The following SLC4A7 variants were observed in gnomAD, a reference collection of about 807,000 sequenced individuals.
SLC4A7 encodes sodium bicarbonate cotransporter 3.
A neutral mutation model predicts 137.6 loss-of-function variants in SLC4A7; 51 were observed. The ratio of observed to expected loss-of-function variants is 0.37; its 90% confidence interval spans 0.30 to 0.47. The LOEUF (loss-of-function observed/expected upper bound fraction) is 0.47, where lower values mean the gene tolerates loss of function less well. SLC4A7 is among the 20% of genes least tolerant of loss of function. SLC4A7 has a pLI of 1.00. For synonymous variants in SLC4A7, 542 were observed against 518.6 expected (o/e 1.05, Z -0.61); for missense variants, 1,247 against 1,525.4 (o/e 0.82, Z 3.04).
chr3:27,445,894 C>T (rs1418430707), intron 3 of SLC4A7, among the ~76,000 whole-genome samples: 6 of 128,576 alleles, frequency 4.7e-5, no homozygotes, highest in Admixed American at 9.0e-5. Context: ...ATCGTGCCAC[C>T]GCACTCCAGC....
chr3:27,478,420 A>C (rs1185109783), intron 1 of SLC4A7, among the ~76,000 whole-genome samples: 1 of 148,814 alleles, frequency 6.7e-6, no homozygotes, highest in Non-Finnish European at 1.5e-5. Flanking sequence ...TGGGAGGCTG[A>C]GGCAGGAGAA....
chr3:27,377,742 T>C (rs2050037631), intron 25 of SLC4A7, among the ~76,000 whole-genome samples: 1 of 152,142 alleles, frequency 6.6e-6, no homozygotes, highest in South Asian at 2.1e-4. Flanking sequence ...TCCACATACA[T>C]GGATTTAATT....
intron 11 of SLC4A7, among the ~76,000 whole-genome samples, chr3:27,412,664 A>G (rs2054016952): frequency 1.3e-5 from 2 of 152,212 alleles, no homozygotes; most frequent in Non-Finnish European, 1.5e-5. Flanking sequence ...CTAGGAAACA[A>G]AAATAATTTT....
At chr3:27,387,352 T>C (rs2051074140) in intron 22 of SLC4A7, among the ~76,000 whole-genome samples, 1 of 152,202 alleles carries the variant, frequency 6.6e-6, no homozygotes, top group Admixed American at 6.5e-5. Context: ...ATGTATATAC[T>C]ACTCATATAA....
intron 14 of SLC4A7, 94 bp downstream of exon 14, chr3:27,404,736 C>A: frequency 9.5e-7 from 1 of 1,058,162 alleles, no homozygotes; most frequent in Non-Finnish European, 1.4e-6. Flanking sequence ...ATATATTGAC[C>A]AAATTACTTT....
chr3:27,389,042 T>C (rs1384164969), intron 22 of SLC4A7, among the ~76,000 whole-genome samples: 1 of 152,094 alleles, frequency 6.6e-6, no homozygotes, highest in Non-Finnish European at 1.5e-5. Context: ...TGTATATCCA[T>C]TCTCTCATTT....
intron 11 of SLC4A7, among the ~76,000 whole-genome samples, chr3:27,418,117 T>C (rs979399416): frequency 6.6e-6 from 1 of 152,200 alleles, no homozygotes; most frequent in Admixed American, 6.5e-5. Context: ...GGTACATCCA[T>C]GCATAGAATA....
chr3:27,482,219 A>T (rs1174850146), intron 1 of SLC4A7, among the ~76,000 whole-genome samples: 1 of 152,234 alleles, frequency 6.6e-6, no homozygotes, highest in Non-Finnish European at 1.5e-5. Context: ...TTTAAATAGC[A>T]TAAACACTAG....
chr3:27,436,275 C>G, intron 5 of SLC4A7, 113 bp downstream of exon 5: 2 of 683,466 alleles, frequency 2.9e-6, no homozygotes, highest in Non-Finnish European at 4.5e-6. Context: ...AAAATTCTAT[C>G]TTATTTCCTT....
intron 4 of SLC4A7, 85 bp from the exon 5 acceptor site, chr3:27,436,633 T>C (rs562006463): frequency 3.4e-5 from 30 of 875,246 alleles, no homozygotes; most frequent in Non-Finnish European, 4.9e-5. Context: ...CATTTGTTCT[T>C]TAAAGAAAAA....
At chr3:27,387,448 A>AT (rs1239318409) in intron 22 of SLC4A7, among the ~76,000 whole-genome samples, 1 of 152,148 alleles carries the variant, frequency 6.6e-6, no homozygotes, top group East Asian at 1.9e-4. Context: ...GTTCCAAATT[A>AT]TTTATCCAGT....
intron 15 of SLC4A7, among the ~76,000 whole-genome samples, chr3:27,401,451 G>A (rs141730294): frequency 2.0e-5 from 3 of 152,246 alleles, no homozygotes; most frequent in East Asian, 1.9e-4. Context: ...TAGAACACAC[G>A]TAAGCAAAGA....
chr3:27,450,959 G>A (rs2058035772), intron 2 of SLC4A7, among the ~76,000 whole-genome samples: 1 of 151,990 alleles, frequency 6.6e-6, no homozygotes, highest in African/African-American at 2.4e-5. Context: ...TTATGTATAG[G>A]TGAGGGTTGA....
intron 24 of SLC4A7, among the ~76,000 whole-genome samples, chr3:27,381,401 T>C (rs577901973): frequency 3.9e-5 from 6 of 152,228 alleles, no homozygotes; most frequent in Non-Finnish European, 8.8e-5. Flanking sequence ...TCAATGAAGC[T>C]AATATATTAA....
At chr3:27,379,767 A>G (rs147626758) in intron 24 of SLC4A7, among the ~76,000 whole-genome samples, 6 of 152,234 alleles carry the variant, frequency 3.9e-5, no homozygotes, top group Non-Finnish European at 8.8e-5. Context: ...CACACATTTA[A>G]TCTTATCAAA....
At position 27,431,583 on chromosome 3, in the gene SLC4A7, G is replaced by C. The variant is rs770509792; in HGVS notation, c.865C>G (p.Leu289Val). Residue 289 changes from leucine (L) to valine (V), a missense_variant, in exon 7 of 26, where the codon CTT becomes GTT. Leu to Val is a conservative substitution (Grantham distance 32, BLOSUM62 1). Transcript: ENST00000454389. ...GAAGGAAGAAGATGACCAAGAAGAA[G>C]AGATAAAGGTGATTCTCCTCTCAAG... is the stretch of plus-strand genomic sequence containing the variant. ...LSLRGESPLSLLLGHLLPSSR... is the reference protein window; with the variant it reads ...LSLRGESPLSVLLGHLLPSSR... The C allele has an allele frequency of 6.2e-7, 1 of 1,613,970 alleles. No homozygotes were observed. The highest frequency in any genetic ancestry group is 1.3e-5 in the African/African-American group (1 of 74,924).
intron 1 of SLC4A7, among the ~76,000 whole-genome samples, chr3:27,482,681 A>G (rs1486408077): frequency 1.3e-5 from 2 of 152,152 alleles, no homozygotes; most frequent in Non-Finnish European, 2.9e-5. Context: ...CTGAGGCGGG[A>G]GAATCGGTTG....
chr3:27,436,686 A>T, intron 4 of SLC4A7, 138 bp from the exon 5 acceptor site: 1 of 570,260 alleles, frequency 1.8e-6, no homozygotes. Context: ...ACGTTTTCAC[A>T]AATTAGGTTA....
chr3:27,461,582 G>C (rs2058697235), intron 1 of SLC4A7, among the ~76,000 whole-genome samples: 1 of 146,472 alleles, frequency 6.8e-6, no homozygotes, highest in Admixed American at 6.9e-5. Flanking sequence ...GACTAGCCTA[G>C]GCAACACAGA....
Sources: gnomAD v4.1 joint callset for allele counts (sites outside exome capture counted in the v4.1 genomes callset) on GRCh38, gnomAD v4.1.1 for gene constraint, MANE v1.5 for transcripts, NCBI Gene and HGNC (gene_info 2026-07-23, HGNC 2026-07-21) for gene names.